ARID5B: variants seen among roughly 807,000 people sequenced by gnomAD.
ARID5B encodes the protein AT-rich interactive domain-containing protein 5B.
ARID5B carries 13 observed loss-of-function variants against 97.2 expected under a neutral mutation model. The observed-to-expected ratio is 0.13, with a 90% confidence interval of 0.09 to 0.21. The LOEUF (loss-of-function observed/expected upper bound fraction) is 0.21, where lower values mean the gene tolerates loss of function less well. Ranked by LOEUF, ARID5B falls within the 10% of genes least tolerant of loss-of-function variation. The probability of loss-of-function intolerance (pLI) is 1.00; values close to 1 mark genes in which losing one functional copy is unlikely to be tolerated. For missense variants in ARID5B, 1,210 were observed against 1,465.3 expected, an observed-to-expected ratio of 0.83 and a Z score of 2.84; for synonymous variants, 556 against 570.3, an observed-to-expected ratio of 0.97 and a Z score of 0.36.
intron 2 of ARID5B, among the ~76,000 whole-genome samples, chr10:61,911,766 G>A (rs959715507): frequency 1.3e-5 from 2 of 152,162 alleles, no homozygotes; most frequent in Admixed American, 1.3e-4. Context: ...GGGCAGAAGG[G>A]TGCCTTTGTC....
At chr10:61,944,492 T>C (rs1357706216) in intron 3 of ARID5B, among the ~76,000 whole-genome samples, 1 of 152,226 alleles carries the variant, frequency 6.6e-6, no homozygotes, top group Non-Finnish European at 1.5e-5. Flanking sequence ...ACTTGCATTT[T>C]TTTATTCCTT....
intron 5 of ARID5B, 126 bp from the exon 6 acceptor site, chr10:62,056,991 A>G: frequency 2.4e-6 from 2 of 833,128 alleles, no homozygotes; most frequent in Non-Finnish European, 3.7e-6. Context: ...TATTAAAAGC[A>G]GGGATAATTT....
chr10:61,909,329 T>TTTTG (rs1554836584), intron 2 of ARID5B, among the ~76,000 whole-genome samples: 2 of 139,912 alleles, frequency 1.4e-5, no homozygotes, highest in African/African-American at 5.4e-5. Flanking sequence ...TTTTTTTTTT[T>TTTTG]TTTTTTTTTT....
chr10:61,973,223 G>C (rs1429033055), intron 3 of ARID5B, among the ~76,000 whole-genome samples: 1 of 152,100 alleles, frequency 6.6e-6, no homozygotes, highest in Non-Finnish European at 1.5e-5. Flanking sequence ...GGCGGGGGAG[G>C]GGAAAAAGGG....
intron 6 of ARID5B, among the ~76,000 whole-genome samples, chr10:62,058,165 A>G (rs1374131665): frequency 6.6e-6 from 1 of 152,232 alleles, no homozygotes; most frequent in Non-Finnish European, 1.5e-5. Flanking sequence ...ACTCGCAGCC[A>G]TTATAAACTT....
Position 61,971,822 on chromosome 10 carries a change from A to G in ARID5B, c.503-28269A>G, listed in dbSNP as rs532527685. Among the ~76,000 whole-genome samples, 4 of 152,316 alleles carry G rather than the reference A, an allele frequency of 2.6e-5. No individual in the cohort carries two copies. In the East Asian group the frequency reaches 5.8e-4, roughly 22 times the overall value. ...CCTAACTTGGTGCAGCTATTTTATC[A>G]TTATTTTTAATTGAATATATATTGG... On this transcript the variant is annotated intron_variant, in intron 3 of 9. Transcript: ENST00000279873.
chr10:62,035,598 C>A (rs1839552749), intron 4 of ARID5B, among the ~76,000 whole-genome samples: 1 of 152,012 alleles, frequency 6.6e-6, no homozygotes, highest in African/African-American at 2.4e-5. Context: ...TTAAGTGATT[C>A]TCCTGTCCCA....
chr10:61,970,778 G>A (rs1838615513), intron 3 of ARID5B, among the ~76,000 whole-genome samples: 1 of 152,134 alleles, frequency 6.6e-6, no homozygotes, highest in South Asian at 2.1e-4. Flanking sequence ...ACTAAAATAA[G>A]TTATACATAG....
intron 2 of ARID5B, 139 bp downstream of exon 2, chr10:61,902,552 A>T: frequency 1.7e-6 from 2 of 1,206,774 alleles, no homozygotes; most frequent in Non-Finnish European, 2.3e-6. Context: ...GGGTAGCGCC[A>T]CTAGCTGGGG....
At chr10:61,921,411 C>G (rs910123620) in intron 2 of ARID5B, among the ~76,000 whole-genome samples, 3 of 152,228 alleles carry the variant, frequency 2.0e-5, no homozygotes, top group African/African-American at 7.2e-5. Context: ...GGTCTCAGAT[C>G]TCTCAGGCTG....
At chr10:62,050,778 T>C in intron 4 of ARID5B, 110 bp from the exon 5 acceptor site, 2 of 908,580 alleles carry the variant, frequency 2.2e-6, no homozygotes, top group Non-Finnish European at 3.4e-6. Context: ...CACAGATCTG[T>C]ACATTTCTCT....
intron 4 of ARID5B, among the ~76,000 whole-genome samples, chr10:62,045,827 C>T (rs774952292): frequency 6.6e-6 from 1 of 152,228 alleles, no homozygotes; most frequent in Admixed American, 6.5e-5. Context: ...GCATACTATA[C>T]ATAGAACAAT....
chr10:61,922,913 A>G (rs903290703), intron 2 of ARID5B, among the ~76,000 whole-genome samples: 1 of 152,214 alleles, frequency 6.6e-6, no homozygotes, highest in Non-Finnish European at 1.5e-5. Context: ...CTCACAACAT[A>G]CATATGTAGG....
rs1181818162 is a variant in ARID5B, at chr10:61,910,204, C to T, written c.276+7791C>T. On this transcript the variant is annotated intron_variant, in intron 2 of 9. Transcript: ENST00000279873. The stretch of plus-strand genomic sequence containing the variant: ...ATACAAGAGTCCATACATGTAAATA[C>T]TTCATTATTAATTATTAATAAAGCA... Among the ~76,000 whole-genome samples, 4 of 152,288 alleles carry T rather than the reference C, an allele frequency of 2.6e-5. No individual in the cohort carries two copies. The East Asian group carries it at 7.7e-4, about 29-fold the overall frequency.
At chr10:62,072,050 G>T (rs915831149) in intron 8 of ARID5B, among the ~76,000 whole-genome samples, 7 of 152,324 alleles carry the variant, frequency 4.6e-5, no homozygotes, top group African/African-American at 1.4e-4. Context: ...AAGTTCCCTA[G>T]GGTGACAGAA....
chr10:61,961,607 G>A (rs1405678610), intron 3 of ARID5B, among the ~76,000 whole-genome samples: 1 of 152,204 alleles, frequency 6.6e-6, no homozygotes, highest in African/African-American at 2.4e-5. Flanking sequence ...CTGAGCACCA[G>A]AGGATGAAAT....
intron 2 of ARID5B, among the ~76,000 whole-genome samples, chr10:61,930,116 G>C (rs1844177890): frequency 6.6e-6 from 1 of 152,212 alleles, no homozygotes. Flanking sequence ...TCTTTAAGGA[G>C]TGATATGCAG....
intron 3 of ARID5B, among the ~76,000 whole-genome samples, chr10:61,960,205 A>G (rs1240512385): frequency 6.6e-6 from 1 of 152,178 alleles, no homozygotes; most frequent in Non-Finnish European, 1.5e-5. Context: ...ACAGGAGACA[A>G]TAGGTAATAT....
intron 2 of ARID5B, among the ~76,000 whole-genome samples, chr10:61,916,312 C>T (rs1374647788): frequency 6.6e-6 from 1 of 152,170 alleles, no homozygotes; most frequent in South Asian, 2.1e-4. Flanking sequence ...TAGCACAGAG[C>T]CATGCCCACG....
Sources: allele counts gnomAD v4.1 joint callset (sites outside exome capture counted in the v4.1 genomes callset), GRCh38; gene constraint gnomAD v4.1.1; transcripts MANE v1.5; gene names NCBI Gene and HGNC (gene_info 2026-07-23, HGNC 2026-07-21).